UBE2E1: variants seen among roughly 807,000 people sequenced by gnomAD.
UBE2E1 encodes the protein ubiquitin conjugating enzyme E2 E1.
Under a neutral mutation model 21.4 loss-of-function variants are expected in UBE2E1, and 6 were observed. The observed-to-expected ratio is 0.28, with a 90% CI of 0.15 to 0.55. The LOEUF is 0.55. UBE2E1 is among the 20% of genes least tolerant of loss of function. The pLI is 0.93. For missense variants in UBE2E1, 142 were observed against 236.5 expected, an observed-to-expected ratio of 0.60 and a Z score of 2.62; for synonymous variants, 87 against 82.7, an observed-to-expected ratio of 1.05 and a Z score of -0.28.
chr3:23,861,339 A>T (rs1169549871), intron 3 of UBE2E1, among the ~76,000 whole-genome samples: 1 of 152,084 alleles, frequency 6.6e-6, no homozygotes, highest in Non-Finnish European at 1.5e-5. Flanking sequence ...GAATTGTTTG[A>T]TGTTTTCAGT....
At chr3:23,835,503 C>T (rs1262773195) in intron 3 of UBE2E1, among the ~76,000 whole-genome samples, 1 of 152,032 alleles carries the variant, frequency 6.6e-6, no homozygotes, top group Non-Finnish European at 1.5e-5. Context: ...CACACCAGGG[C>T]CCCATCCTAT....
intron 3 of UBE2E1, among the ~76,000 whole-genome samples, chr3:23,855,852 A>C (rs1700423975): frequency 6.6e-6 from 1 of 152,014 alleles, no homozygotes; most frequent in Admixed American, 6.6e-5. Flanking sequence ...ATAAAAAATA[A>C]AAAAAAGAAG....
chr3:23,847,886 C>T (rs972431566), intron 3 of UBE2E1, among the ~76,000 whole-genome samples: 1 of 152,084 alleles, frequency 6.6e-6, no homozygotes, highest in Non-Finnish European at 1.5e-5. Flanking sequence ...CCATTTCCAG[C>T]CCCAAAGGCA....
At chr3:23,811,624 A>G (rs1245442578) in intron 3 of UBE2E1, 114 bp downstream of exon 3, 2 of 967,266 alleles carry the variant, frequency 2.1e-6, no homozygotes, top group Non-Finnish European at 3.1e-6. Context: ...TTGTTATGGC[A>G]CTAACATCAC....
intron 3 of UBE2E1, among the ~76,000 whole-genome samples, chr3:23,829,555 A>G (rs1474934533): frequency 6.6e-6 from 1 of 151,730 alleles, no homozygotes; most frequent in East Asian, 1.9e-4. Flanking sequence ...TTCTGCCTCA[A>G]CCTCCCAAAG....
At chr3:23,814,059 A>T (rs1024960404) in intron 3 of UBE2E1, among the ~76,000 whole-genome samples, 2 of 152,180 alleles carry the variant, frequency 1.3e-5, no homozygotes, top group African/African-American at 4.8e-5. Context: ...TTATTAAAAT[A>T]TGGCACTTGG....
At chr3:23,843,619 GTTGTT>G (rs1700137650) in intron 3 of UBE2E1, among the ~76,000 whole-genome samples, 1 of 152,004 alleles carries the variant, frequency 6.6e-6, no homozygotes, top group Admixed American at 6.6e-5. Flanking sequence ...CTTCCTATTG[GTTGTT>G]TTGTTTTGAA....
At chr3:23,835,881 A>G (rs1215283406) in intron 3 of UBE2E1, among the ~76,000 whole-genome samples, 1 of 152,180 alleles carries the variant, frequency 6.6e-6, no homozygotes, top group East Asian at 1.9e-4. Flanking sequence ...TCATTTCAAC[A>G]CGTAATAGCT....
Position 23,807,249 on chromosome 3 carries a change from G to T in UBE2E1, c.-21G>T, listed in dbSNP as rs976944058. 2 of 1,604,134 alleles carry T rather than the reference G, an allele frequency of 1.2e-6. No individual in the cohort carries two copies. The highest frequency in any genetic ancestry group is 1.7e-6 in the Non-Finnish European group (2 of 1,176,648). On this transcript the variant is annotated 5_prime_UTR_variant, in exon 2 of 6. Transcript: ENST00000306627. ...TCTCCCCCTGCAGGGGCTGTTTGCG[G>T]GGTGGGGTGGGGGGTTCGCTATGTC...
intron 3 of UBE2E1, among the ~76,000 whole-genome samples, chr3:23,824,280 A>G (rs1464297544): frequency 5.3e-5 from 8 of 152,178 alleles, no homozygotes. Flanking sequence ...GAGGGACCCG[A>G]TGCTCCCTTC....
At chr3:23,822,614 T>A (rs1699668335) in intron 3 of UBE2E1, among the ~76,000 whole-genome samples, 2 of 152,244 alleles carry the variant, frequency 1.3e-5, no homozygotes, top group African/African-American at 4.8e-5. Context: ...TTGATGAATC[T>A]CTTTTTCAAG....
chr3:23,844,892 T>C (rs1700164954), intron 3 of UBE2E1, among the ~76,000 whole-genome samples: 1 of 152,160 alleles, frequency 6.6e-6, no homozygotes, highest in Non-Finnish European at 1.5e-5. Flanking sequence ...CCAATGAAGC[T>C]GACTTGGAGC....
In UBE2E1 at chr3:23,890,710, T is replaced by G. The variant is rs1275258916; in HGVS notation, c.*104T>G. 23 of 971,826 alleles carry G rather than the reference T, an allele frequency of 2.4e-5. No homozygotes were observed. The Admixed American group carries it at 7.3e-4, about 31-fold the overall frequency. The allele number at this position is 971,826 out of a possible 1,614,324, so 60.2% of individuals were successfully genotyped here. ...TGGGAGTTGGTAAAGAGTAGGGTAT[T>G]TCTATAACAGATATTATTCAGTCTT... On this transcript the variant is annotated 3_prime_UTR_variant, in exon 6 of 6. Coordinates refer to ENST00000306627, the MANE Select transcript of UBE2E1 (RefSeq NM_003341.5).
rs771035835 is a variant in UBE2E1 at position 23,811,508 on chromosome 3, C to T, written c.201C>T (p.Cys67=). The T allele has an allele frequency of 5.0e-6, 8 of 1,614,120 alleles. No individual in the cohort carries two copies. Among genetic ancestry groups the T allele is most frequent in the African/African-American group, 1.3e-5 (1 of 75,052 alleles). Residue 67 remains cysteine, a splice_region_variant and synonymous_variant, in exon 3 of 6, where the codon TGC becomes TGT. Coordinates refer to ENST00000306627, the MANE Select transcript of UBE2E1 (RefSeq NM_003341.5). ...TCACTTTAGACCCTCCACCTAATTG[C>T]AGGTGAGTTGCTTTTCGGATTTTTT... ...ADITLDPPPN[C]SAGPKGDNIY...
chr3:23,872,907 C>G (rs1351220261), intron 3 of UBE2E1, among the ~76,000 whole-genome samples: 1 of 151,868 alleles, frequency 6.6e-6, no homozygotes, highest in Non-Finnish European at 1.5e-5. Context: ...GTCCCAGCTA[C>G]TCAGGAGGCT....
intron 3 of UBE2E1, among the ~76,000 whole-genome samples, chr3:23,873,303 A>G (rs950974278): frequency 1.3e-5 from 2 of 152,128 alleles, no homozygotes; most frequent in African/African-American, 4.8e-5. Context: ...TGATGATGTA[A>G]ATGCTACCTT....
chr3:23,806,401 G>A lies in UBE2E1; in HGVS notation c.-34+313G>A, dbSNP rs1401864957. On this transcript the variant is annotated intron_variant, in intron 1 of 5. Coordinates refer to ENST00000306627, the MANE Select transcript of UBE2E1 (RefSeq NM_003341.5). This position sits in a 1 kb window ranked among gnomAD's most constrained non-coding sequence, Gnocchi z 6.5. ...GCCACCGAGGGGCCCGGGAGCGGGG[G>A]TGGGAGGGAGTTGGGGGAGCCCCGT... Among the ~76,000 whole-genome samples, 2 of 151,886 alleles carry A rather than the reference G, an allele frequency of 1.3e-5. No individual in the cohort carries two copies. Among genetic ancestry groups the A allele is most frequent in the East Asian group, 2.0e-4 (1 of 5,126 alleles).
At position 23,808,084 on chromosome 3, in the gene UBE2E1, A is replaced by C. The variant is rs1272426180; in HGVS notation, c.152+663A>C. On this transcript the variant is annotated intron_variant, in intron 2 of 5. Coordinates refer to ENST00000306627, the MANE Select transcript of UBE2E1 (RefSeq NM_003341.5). The surrounding 1 kb of genome is among the most constrained non-coding windows in gnomAD (Gnocchi z 4.9). ...TTTCAGGGAGACTTGTCTTTTTTTC[A>C]TGCTATTTGCTGTCCTCATGCTGTG... Among the ~76,000 whole-genome samples the C allele has an allele frequency of 6.6e-6, 1 of 152,090 alleles. No homozygotes were observed. Among genetic ancestry groups the C allele is most frequent in the African/African-American group, 2.4e-5 (1 of 41,418 alleles).
At chr3:23,879,260 G>T (rs1468802393) in intron 3 of UBE2E1, 3 of 886,388 alleles carry the variant, frequency 3.4e-6, no homozygotes, top group African/African-American at 1.7e-5. Flanking sequence ...GCCTTACTTT[G>T]TCCTAAACAC....
Sources: gnomAD v4.1 joint callset for allele counts (sites outside exome capture counted in the v4.1 genomes callset) on GRCh38, gnomAD v4.1.1 for gene constraint, Gnocchi (gnomAD v3.1) non-coding constraint, MANE v1.5 for transcripts, NCBI Gene and HGNC (gene_info 2026-07-23, HGNC 2026-07-21) for gene names.